BANK1: variants seen among roughly 807,000 people sequenced by gnomAD.
BANK1 encodes the protein B-cell scaffold protein with ankyrin repeats.
BANK1 carries 95 observed loss-of-function variants against 94.5 expected under a neutral mutation model. That is an observed-to-expected ratio of 1.00 (90% CI 0.85 to 1.19). The LOEUF (loss-of-function observed/expected upper bound fraction) is 1.19. Ranked by LOEUF, BANK1 falls within the 50% of genes most tolerant of loss-of-function variation. The probability of loss-of-function intolerance (pLI) is 0.00; values close to 1 mark genes in which losing one functional copy is unlikely to be tolerated. For synonymous variants in BANK1, 334 were observed against 308.4 expected, an observed-to-expected ratio of 1.08 and a Z score of -0.87; for missense variants, 987 against 932.2, an observed-to-expected ratio of 1.06 and a Z score of -0.77.
intron 7 of BANK1, among the ~76,000 whole-genome samples, chr4:101,939,006 G>A (rs939961712): frequency 2.0e-5 from 3 of 151,646 alleles, no homozygotes; most frequent in Non-Finnish European, 3.0e-5. Flanking sequence ...TACCTGAGAC[G>A]CAGCATTTCC....
intron 11 of BANK1, among the ~76,000 whole-genome samples, chr4:102,055,516 A>G (rs76873950): frequency 6.6e-6 from 1 of 152,048 alleles, no homozygotes; most frequent in Admixed American, 6.6e-5. Flanking sequence ...CATCTAAAAT[A>G]AAACGTGTAA....
chr4:102,061,630 C>A lies in BANK1; in HGVS notation c.2148+1241C>A, dbSNP rs574534321. The stretch of plus-strand genomic sequence containing the variant: ...TCAATTGTATTTCATCCTCCTAAGA[C>A]CCTTAAATAATAACGTTTTCCATTT... On this transcript the variant is annotated intron_variant, in intron 12 of 16. Coordinates refer to ENST00000322953, the MANE Select transcript of BANK1 (RefSeq NM_017935.5). The A allele has an allele frequency of 2.6e-5, 4 of 152,242 alleles. No individual in the cohort carries two copies. In the East Asian group the frequency reaches 7.7e-4, roughly 29 times the overall value. The allele number at this position is 152,242 out of a possible 1,614,324, so 9.4% of individuals were successfully genotyped here.
intron 7 of BANK1, among the ~76,000 whole-genome samples, chr4:101,921,738 T>C (rs1723004653): frequency 6.6e-6 from 1 of 152,074 alleles, no homozygotes; most frequent in East Asian, 1.9e-4. Context: ...TCTTTTTCCT[T>C]CCACCACTGT....
intron 6 of BANK1, among the ~76,000 whole-genome samples, chr4:101,896,434 A>G (rs1459057422): frequency 6.6e-6 from 1 of 151,980 alleles, no homozygotes; most frequent in Non-Finnish European, 1.5e-5. Flanking sequence ...CAGTAATAAG[A>G]AAAGAGTAGG....
At chr4:101,997,827 T>C (rs1371623584) in intron 7 of BANK1, among the ~76,000 whole-genome samples, 2 of 152,144 alleles carry the variant, frequency 1.3e-5, no homozygotes, top group Non-Finnish European at 2.9e-5. Flanking sequence ...TCTTAATTAT[T>C]CTGGCTAGTA....
intron 11 of BANK1, among the ~76,000 whole-genome samples, chr4:102,059,676 C>T (rs1024766112): frequency 4.6e-5 from 7 of 152,252 alleles, no homozygotes; most frequent in Admixed American, 2.6e-4. Flanking sequence ...GAAAAGGAAG[C>T]ATTTCACTAC....
At chr4:101,947,281 G>A (rs1263559588) in intron 7 of BANK1, among the ~76,000 whole-genome samples, 4 of 47,462 alleles carry the variant, frequency 8.4e-5, no homozygotes, top group Admixed American at 3.0e-4. Flanking sequence ...TGAAGAAGTT[G>A]TAAATATATA....
intron 12 of BANK1, 36 bp downstream of exon 12, chr4:102,060,425 C>T (rs777754368): frequency 1.9e-6 from 3 of 1,569,410 alleles, no homozygotes; most frequent in Non-Finnish European, 2.6e-6. Context: ...GACATTCCCT[C>T]ACTTGTGGAG....
chr4:101,971,725 C>T (rs1724961023), intron 7 of BANK1, among the ~76,000 whole-genome samples: 1 of 152,066 alleles, frequency 6.6e-6, no homozygotes, highest in African/African-American at 2.4e-5. Context: ...TTCCCAAAAC[C>T]ATTTATTGAA....
At chr4:101,930,309 C>G (rs1560637928) in intron 7 of BANK1, among the ~76,000 whole-genome samples, 2 of 150,828 alleles carry the variant, frequency 1.3e-5, no homozygotes, top group Admixed American at 1.3e-4. Context: ...ATTCATTTAC[C>G]TATTCATTCT....
chr4:101,871,341 G>A (rs966425504), intron 5 of BANK1, among the ~76,000 whole-genome samples: 16 of 151,744 alleles, frequency 1.1e-4, no homozygotes, highest in Non-Finnish European at 1.9e-4. Context: ...AAAGGAAGTC[G>A]AAGTATCTTC....
chr4:101,814,665 T>G (rs1461620257), intron 1 of BANK1, among the ~76,000 whole-genome samples: 2 of 152,236 alleles, frequency 1.3e-5, no homozygotes, highest in African/African-American at 2.4e-5. Flanking sequence ...GATGTGAATT[T>G]AAGTCCAGCT....
chr4:101,955,957 T>A (rs904708652), intron 7 of BANK1, among the ~76,000 whole-genome samples: 4 of 152,168 alleles, frequency 2.6e-5, no homozygotes, highest in African/African-American at 9.7e-5. Context: ...ATGTAGAACA[T>A]ACAGCACAAT....
chr4:101,935,325 C>T (rs1235688748), intron 7 of BANK1, among the ~76,000 whole-genome samples: 1 of 151,530 alleles, frequency 6.6e-6, no homozygotes, highest in Admixed American at 6.6e-5. Context: ...CAGAAAATTG[C>T]CTTGTGAAGG....
intron 7 of BANK1, among the ~76,000 whole-genome samples, chr4:102,007,116 T>A (rs866478194): frequency 5.0e-5 from 2 of 39,618 alleles, no homozygotes; most frequent in South Asian, 6.8e-4. Flanking sequence ...TATATAAATA[T>A]ATATTTTATA....
At chr4:101,803,911 T>A (rs868475952) in intron 1 of BANK1, among the ~76,000 whole-genome samples, 13 of 129,228 alleles carry the variant, frequency 1.0e-4, no homozygotes, top group African/African-American at 3.6e-4. Flanking sequence ...GGCAGGAGAA[T>A]GGCGTGAACC....
In BANK1 at chr4:102,021,519, A is replaced by T; in HGVS notation, c.1212A>T (p.Gln404His). 1 of 1,426,904 alleles carries T rather than the reference A, an allele frequency of 7.0e-7. No homozygotes were observed. Among genetic ancestry groups the T allele is most frequent in the South Asian group, 1.4e-5 (1 of 70,930 alleles). The allele number at this position is 1,426,904 out of a possible 1,614,324, so 88.4% of individuals were successfully genotyped here. ...LKKIFEDFSIQEIDINNEQEN... is the reference protein window; with the variant it reads ...LKKIFEDFSIHEIDINNEQEN... ...AAAAATTACATTTTTTTCAGATCCA[A>T]GAAATTGACATAAATAATGAGCAAG... The change falls in exon 8 of 17, where the codon CAA becomes CAT. Residue 404 changes from glutamine to histidine, a missense_variant. Physicochemically the swap from Gln to His is conservative, Grantham distance 24 (BLOSUM62 0). Coordinates refer to ENST00000322953, the MANE Select transcript of BANK1 (RefSeq NM_017935.5).
intron 7 of BANK1, among the ~76,000 whole-genome samples, chr4:101,925,689 C>T (rs919838386): frequency 6.6e-6 from 1 of 151,656 alleles, no homozygotes; most frequent in Non-Finnish European, 1.5e-5. Context: ...CCTATGGGGG[C>T]TAAATCGTCT....
intron 7 of BANK1, 48 bp from the exon 8 acceptor site, chr4:102,021,466 A>G (rs1392121970): frequency 1.3e-6 from 1 of 764,958 alleles, no homozygotes; most frequent in Admixed American, 2.8e-5. Context: ...CATCCAGTGC[A>G]TATTTATTAA....
Sources: allele counts gnomAD v4.1 joint callset (sites outside exome capture counted in the v4.1 genomes callset), GRCh38; gene constraint gnomAD v4.1.1; transcripts MANE v1.5; gene names NCBI Gene and HGNC (gene_info 2026-07-23, HGNC 2026-07-21).